Variants in GOLM1 observed in about 807,000 individuals in gnomAD.
GOLM1 encodes epididymis luminal protein 46.
Under a neutral mutation model 50.5 loss-of-function variants are expected in GOLM1, and 31 were observed. The observed-to-expected ratio is 0.61, with a 90% confidence interval of 0.46 to 0.83. The LOEUF is 0.83. Among genes scored for constraint, GOLM1 ranks in the 40% least tolerant of loss-of-function variants. The pLI, the probability that GOLM1 is intolerant of heterozygous loss-of-function variation, is 0.00. For missense variants in GOLM1, 491 were observed against 501.3 expected, an observed-to-expected ratio of 0.98 and a Z score of 0.20; for synonymous variants, 178 against 192.8, an observed-to-expected ratio of 0.92 and a Z score of 0.64.
intron 1 of GOLM1, among the ~76,000 whole-genome samples, chr9:86,091,815 T>C (rs1563970164): frequency 2.0e-5 from 3 of 152,138 alleles, no homozygotes; most frequent in African/African-American, 7.2e-5. Flanking sequence ...GAAAATAAAC[T>C]CCATTCTCAC....
At chr9:86,034,041 T>G (rs992116398) in intron 8 of GOLM1, among the ~76,000 whole-genome samples, 2 of 151,178 alleles carry the variant, frequency 1.3e-5, no homozygotes, top group African/African-American at 4.9e-5. Context: ...CTCGGCTCAC[T>G]GCAACCTCCG....
At chr9:86,098,598 T>C (rs1835424015) in intron 1 of GOLM1, among the ~76,000 whole-genome samples, 1 of 152,236 alleles carries the variant, frequency 6.6e-6, no homozygotes, top group South Asian at 2.1e-4. Context: ...ACATCTGAAA[T>C]TGTCCAGCAT....
intron 8 of GOLM1, among the ~76,000 whole-genome samples, chr9:86,034,852 C>A (rs940071991): frequency 2.2e-4 from 33 of 151,650 alleles, no homozygotes; most frequent in African/African-American, 8.1e-4. Flanking sequence ...ATCTCCAATT[C>A]CTACCCTTTA....
intron 9 of GOLM1, among the ~76,000 whole-genome samples, chr9:86,032,171 T>C (rs948967327): frequency 6.6e-6 from 1 of 151,898 alleles, no homozygotes; most frequent in African/African-American, 2.4e-5. Flanking sequence ...TTGGATTCTT[T>C]TGTTGTTGTT....
In GOLM1 at chr9:86,099,541, C is replaced by A. The variant is rs1333722396; in HGVS notation, c.-152G>T. 1 of 148,298 alleles carries A rather than the reference C, an allele frequency of 6.7e-6. No homozygotes were observed. The highest frequency in any genetic ancestry group is 1.5e-5 in the Non-Finnish European group (1 of 66,596). 9.2% of individuals were successfully genotyped at this position (148,298 alleles called of 1,614,324 possible). A position where few individuals can be genotyped will look rare whatever the true frequency, so the allele number is the denominator to read the frequency against. ...GCCGTGCGCCCAGCGCCTCCGCGTCCAGCGCCGCCGCGTCTCCGGCCTCCG... is the reference window on the plus strand; with the variant it reads ...GCCGTGCGCCCAGCGCCTCCGCGTCAAGCGCCGCCGCGTCTCCGGCCTCCG... On this transcript the variant is annotated 5_prime_UTR_variant, in exon 1 of 10. Transcript: ENST00000388712.
intron 7 of GOLM1, among the ~76,000 whole-genome samples, chr9:86,036,096 A>G (rs941800888): frequency 6.6e-6 from 1 of 152,024 alleles, no homozygotes; most frequent in African/African-American, 2.4e-5. Flanking sequence ...AAGCCCACCA[A>G]TGTCCTGCAT....
At chr9:86,033,473 G>A in intron 8 of GOLM1, 78 bp from the exon 9 acceptor site, 1 of 869,058 alleles carries the variant, frequency 1.2e-6, no homozygotes, top group Non-Finnish European at 1.9e-6. Flanking sequence ...ACAAGTGCTG[G>A]GGGTTAGCCA....
rs1431311386 is a variant in GOLM1 at position 86,061,925 on chromosome 9, AGAAAGGC to A, written c.310-9341_310-9335del. On this transcript the variant is annotated intron_variant, in intron 3 of 9. Transcript: ENST00000388712. ...TTCAGGGCAGGGGACCCAGATGGGC[AGAAAGGC>A]GGGTCTGGACCTGCAGCTATGGGAC... 2.0e-5 allele frequency among the ~76,000 whole-genome samples: 3 copies of A among 152,188 alleles called. 1 individual carries two copies. The highest frequency in any genetic ancestry group is 7.2e-5 in the African/African-American group (3 of 41,460).
In GOLM1 at chr9:86,072,210, A is replaced by C. The variant is rs955490658; in HGVS notation, c.309+5202T>G. Among the ~76,000 whole-genome samples the C allele has an allele frequency of 5.9e-5, 9 of 152,282 alleles. No homozygotes were observed. The East Asian group carries it at 1.7e-3, about 29-fold the overall frequency. ...GTTGTACAGGCAGGAGGGAAAGGAG[A>C]GAAGAGACGGAGAAGGGGAACATAG... On this transcript the variant is annotated intron_variant, in intron 3 of 9. Coordinates refer to ENST00000388712, the MANE Select transcript of GOLM1 (RefSeq NM_016548.4).
At chr9:86,077,834 G>C in intron 2 of GOLM1, 1 of 480,020 alleles carries the variant, frequency 2.1e-6, no homozygotes, top group South Asian at 4.9e-5. Context: ...TTCCCACTGG[G>C]TTTTTGTGAG....
At chr9:86,035,308 A>AG in intron 8 of GOLM1, 60 bp downstream of exon 8, 2 of 1,584,054 alleles carry the variant, frequency 1.3e-6, no homozygotes. Flanking sequence ...AAGGACATGG[A>AG]GGTGGGCTGG....
At chr9:86,071,364 C>A (rs1350810264) in intron 3 of GOLM1, among the ~76,000 whole-genome samples, 1 of 152,076 alleles carries the variant, frequency 6.6e-6, no homozygotes, top group East Asian at 1.9e-4. Flanking sequence ...TCCCAAAGCA[C>A]CTATTTTTTT....
chr9:86,076,914 T>G (rs1044534117), intron 3 of GOLM1, among the ~76,000 whole-genome samples: 13 of 152,018 alleles, frequency 8.6e-5, no homozygotes, highest in African/African-American at 3.1e-4. Flanking sequence ...GGAAGGCCCC[T>G]TTAAATCTAC....
At chr9:86,059,643 C>T (rs1834094678) in intron 3 of GOLM1, among the ~76,000 whole-genome samples, 1 of 151,894 alleles carries the variant, frequency 6.6e-6, no homozygotes, top group African/African-American at 2.4e-5. Context: ...ACCTGTAATC[C>T]CAACACTTTG....
intron 5 of GOLM1, among the ~76,000 whole-genome samples, chr9:86,044,229 G>C (rs1013418510): frequency 6.6e-6 from 1 of 152,222 alleles, no homozygotes; most frequent in Non-Finnish European, 1.5e-5. Flanking sequence ...CTGCCCCCAC[G>C]TGAGAACCAC....
intron 3 of GOLM1, among the ~76,000 whole-genome samples, chr9:86,064,846 C>T (rs1297192044): frequency 6.6e-6 from 1 of 152,202 alleles, no homozygotes; most frequent in Non-Finnish European, 1.5e-5. Context: ...GGCTCCTCCA[C>T]GTCGGTTCCA....
At chr9:86,049,245 C>T (rs1342812932) in intron 4 of GOLM1, among the ~76,000 whole-genome samples, 1 of 152,158 alleles carries the variant, frequency 6.6e-6, no homozygotes, top group Non-Finnish European at 1.5e-5. Flanking sequence ...TGTTTTGGTA[C>T]CAGTACCATG....
intron 1 of GOLM1, among the ~76,000 whole-genome samples, chr9:86,098,000 C>T (rs1835405437): frequency 6.6e-6 from 1 of 152,148 alleles, no homozygotes; most frequent in African/African-American, 2.4e-5. Flanking sequence ...ATATCCAAGT[C>T]ACCACAATTT....
intron 1 of GOLM1, among the ~76,000 whole-genome samples, chr9:86,086,162 T>C (rs1037370451): frequency 6.6e-6 from 1 of 152,246 alleles, no homozygotes; most frequent in Non-Finnish European, 1.5e-5. Context: ...ATGATCACCA[T>C]TCTAACTGGC....
Sources: gnomAD v4.1 joint callset for allele counts (sites outside exome capture counted in the v4.1 genomes callset) on GRCh38, gnomAD v4.1.1 for gene constraint, MANE v1.5 for transcripts, NCBI Gene and HGNC (gene_info 2026-07-23, HGNC 2026-07-21) for gene names.